ADGRE3: variants seen among roughly 807,000 people sequenced by gnomAD.
ADGRE3 encodes the protein adhesion G protein-coupled receptor E3.
In ADGRE3, 88 loss-of-function variants were observed where a neutral mutation model predicts 80.1. The ratio of observed to expected loss-of-function variants is 1.10; its 90% confidence interval spans 0.93 to 1.31. ADGRE3 has a LOEUF of 1.31. ADGRE3 is among the 40% of genes most tolerant of loss of function. The probability of loss-of-function intolerance (pLI) is 0.00; values close to 1 mark genes in which losing one functional copy is unlikely to be tolerated. For missense variants in ADGRE3, 715 were observed against 776.5 expected (o/e 0.92, Z 0.94); for synonymous variants, 281 against 294.8 (o/e 0.95, Z 0.48).
chr19:14,657,746 T>TATATATATA (rs57153320), intron 5 of ADGRE3, among the ~76,000 whole-genome samples: 5 of 108,078 alleles, frequency 4.6e-5, no homozygotes, highest in South Asian at 2.6e-4. Context: ...TATATATATA[T>TATATATATA]TTTTTTGTTT....
chr19:14,625,620 C>A (rs369248321), intron 14 of ADGRE3, 21 bp from the exon 15 acceptor site: 283 of 1,516,620 alleles, frequency 1.9e-4, no homozygotes, highest in Non-Finnish European at 2.4e-4. Context: ...AAAGGAAATA[C>A]CTGGATGGGT....
intron 15 of ADGRE3, among the ~76,000 whole-genome samples, chr19:14,620,568 A>ATATATTT (rs1435435269): frequency 4.5e-4 from 5 of 11,046 alleles, no homozygotes; most frequent in South Asian, 3.7e-3. Flanking sequence ...ATATATATAT[A>ATATATTT]TTTTTTTTTT....
intron 6 of ADGRE3, 116 bp downstream of exon 6, chr19:14,654,866 G>T (rs1599640769): frequency 7.2e-6 from 5 of 694,002 alleles, no homozygotes; most frequent in East Asian, 6.0e-5. Flanking sequence ...ATAAATTTTT[G>T]TAATTTACAT....
chr19:14,636,003 CT>C (rs374894994), intron 11 of ADGRE3, among the ~76,000 whole-genome samples: 9,202 of 62,104 alleles, frequency 0.15, 1,066 homozygotes, highest in Middle Eastern at 0.26. Flanking sequence ...CTCTCTCTTT[CT>C]CTTTCTTTCT....
intron 8 of ADGRE3, among the ~76,000 whole-genome samples, chr19:14,644,645 A>C (rs1318297480): frequency 3.9e-5 from 6 of 151,932 alleles, no homozygotes; most frequent in Non-Finnish European, 4.4e-5. Flanking sequence ...TTTCCTCAGG[A>C]GGGACAGTTC....
intron 2 of ADGRE3, among the ~76,000 whole-genome samples, chr19:14,666,019 C>T (rs1972098654): frequency 8.0e-6 from 1 of 125,356 alleles, no homozygotes; most frequent in Admixed American, 9.4e-5. Flanking sequence ...GGCATTTGAA[C>T]TGGTTCCATA....
At chr19:14,605,564 C>T in the ADGRE3 span, among the ~76,000 whole-genome samples, 2 of 152,124 alleles carry the variant, frequency 1.3e-5, no homozygotes, top group Non-Finnish European at 2.9e-5. Context: ...TTTCCACCAC[C>T]CTAGAAAGTT....
chr19:14,635,023 T>A (rs1268589361), intron 11 of ADGRE3, among the ~76,000 whole-genome samples: 1 of 152,196 alleles, frequency 6.6e-6, no homozygotes, highest in Non-Finnish European at 1.5e-5. Flanking sequence ...ATAGAGGCTG[T>A]GCACAAACTG....
chr19:14,638,073 T>G, intron 11 of ADGRE3, 32 bp downstream of exon 11: 1 of 1,527,322 alleles, frequency 6.5e-7, no homozygotes, highest in Non-Finnish European at 9.1e-7. Flanking sequence ...CTTAGGAAAC[T>G]GTCCATGACA....
intron 15 of ADGRE3, among the ~76,000 whole-genome samples, chr19:14,620,463 TGA>T (rs760878568): frequency 0.03 from 3,563 of 117,234 alleles, 23 homozygotes; most frequent in East Asian, 0.044. Flanking sequence ...TATGAATATA[TGA>T]ATATATTATG....
At chr19:14,616,578 A>T (rs1599593366), downstream of ADGRE3, among the ~76,000 whole-genome samples, 1 of 151,912 alleles carries the variant, frequency 6.6e-6, no homozygotes, top group Admixed American at 6.6e-5. Flanking sequence ...GAATGCTTCA[A>T]GAAGAAAAAA....
the ADGRE3 span, among the ~76,000 whole-genome samples, chr19:14,613,170 C>T: frequency 1.3e-5 from 2 of 151,662 alleles, no homozygotes; most frequent in Non-Finnish European, 2.9e-5. Context: ...AAGTGATCCG[C>T]CCACCTCAGC....
Position 14,663,385 on chromosome 19 carries a change from TAATAATAATAAAA to T in ADGRE3, c.199+20_199+32del. 7.7e-7 allele frequency: 1 copy of T among 1,290,396 alleles called. No homozygotes were observed. The highest frequency in any genetic ancestry group is 2.5e-5 in the Admixed American group (1 of 39,394). 79.9% of individuals were successfully genotyped at this position (1,290,396 alleles called of 1,614,324 possible). On this transcript the variant is annotated intron_variant, in intron 3 of 15. Transcript: ENST00000253673. ...GTCTCTAATAATAATGATAATAAAA[TAATAATAATAAAA>T]AATAATAATACTTCTTTACCGTTAC...
chr19:14,617,341 C>CCTTCCTTTCTTTCTTTCTTT (rs1555752262), downstream of ADGRE3, among the ~76,000 whole-genome samples: 256 of 57,224 alleles, frequency 4.5e-3, 1 homozygote, highest in African/African-American at 0.014. Context: ...TCCCTCCCTC[C>CCTTCCTTTCTTTCTTTCTTT]CTTTCTTTCT....
chr19:14,673,762 A>T (rs1972316428), intron 1 of ADGRE3, among the ~76,000 whole-genome samples: 1 of 152,244 alleles, frequency 6.6e-6, no homozygotes. Context: ...ATGGGATACA[A>T]GTGTAATTTT....
chr19:14,650,918 C>T (rs1029039300), intron 7 of ADGRE3, among the ~76,000 whole-genome samples, 167 bp downstream of exon 7: 3 of 152,080 alleles, frequency 2.0e-5, no homozygotes, highest in African/African-American at 7.2e-5. Flanking sequence ...CAGAAAACCT[C>T]CATTTTGGGA....
chr19:14,604,512 C>T, the ADGRE3 span, among the ~76,000 whole-genome samples: 2 of 152,136 alleles, frequency 1.3e-5, no homozygotes, highest in African/African-American at 4.8e-5. Context: ...ACTGTAATCC[C>T]AGCACTTTGC....
intron 1 of ADGRE3, among the ~76,000 whole-genome samples, chr19:14,670,419 A>G (rs1189410839): frequency 2.0e-5 from 3 of 152,212 alleles, no homozygotes; most frequent in African/African-American, 7.2e-5. Context: ...CAAGCAAGTT[A>G]CAAGCTCATT....
At chr19:14,620,433 T>TATATGTATATTCATGTATATATGA (rs1970515536) in intron 15 of ADGRE3, among the ~76,000 whole-genome samples, 14 of 144,376 alleles carry the variant, frequency 9.7e-5, no homozygotes, top group Non-Finnish European at 1.7e-4. Context: ...TATATGAATA[T>TATATGTATATTCATGTATATATGA]ATATGTATAT....
Sources: allele counts gnomAD v4.1 joint callset (sites outside exome capture counted in the v4.1 genomes callset), GRCh38; gene constraint gnomAD v4.1.1; transcripts MANE v1.5; gene names NCBI Gene and HGNC (gene_info 2026-07-23, HGNC 2026-07-21).